The following CDH23 variants were observed in gnomAD, a reference collection of about 807,000 sequenced individuals.
CDH23 encodes cadherin related 23.
A neutral mutation model predicts 317.1 loss-of-function variants in CDH23; 189 were observed. The observed-to-expected ratio is 0.60, with a 90% CI of 0.53 to 0.67. The LOEUF (loss-of-function observed/expected upper bound fraction) is 0.67, where lower values mean the gene tolerates loss of function less well. CDH23 is among the 30% of genes least tolerant of loss of function. CDH23 has a pLI of 0.00. For missense variants in CDH23, 4,401 were observed against 4,592.4 expected (o/e 0.96, Z 1.20); for synonymous variants, 1,839 against 1,876.8 (o/e 0.98, Z 0.52).
At chr10:71,735,191 C>G (rs1038182842) in intron 34 of CDH23, among the ~76,000 whole-genome samples, 9 of 152,196 alleles carry the variant, frequency 5.9e-5, no homozygotes, top group Non-Finnish European at 1.0e-4. Context: ...CCCTCCCTCT[C>G]CTGGGGGTTG....
At chr10:71,430,458 G>A (rs535868611) in intron 1 of CDH23, among the ~76,000 whole-genome samples, 3 of 152,256 alleles carry the variant, frequency 2.0e-5, no homozygotes, top group Admixed American at 6.5e-5. Context: ...GCACCACTAC[G>A]CACAGACAGA....
At chr10:71,806,028 G>GGT in intron 56 of CDH23, 31 bp downstream of exon 56, 5 of 1,155,136 alleles carry the variant, frequency 4.3e-6, no homozygotes, top group Non-Finnish European at 6.3e-6. Context: ...GAGGGGCGGG[G>GGT]TCTGGGGCGG....
intron 14 of CDH23, among the ~76,000 whole-genome samples, chr10:71,654,630 G>A (rs775871475): frequency 2.0e-4 from 30 of 152,322 alleles, no homozygotes; most frequent in Middle Eastern, 3.4e-3. Flanking sequence ...CAGAGGGCCC[G>A]GAGGATCCAT....
intron 14 of CDH23, among the ~76,000 whole-genome samples, chr10:71,664,635 C>T (rs143812684): frequency 7.2e-4 from 110 of 152,350 alleles, no homozygotes; most frequent in Non-Finnish European, 1.2e-3. Context: ...ACTTAGAAAG[C>T]GGCGCCTGTG....
At chr10:71,692,490 C>A (rs996261027) in intron 20 of CDH23, among the ~76,000 whole-genome samples, 4 of 152,246 alleles carry the variant, frequency 2.6e-5, no homozygotes, top group African/African-American at 9.6e-5. Context: ...ATCATGCCGA[C>A]AAGTTCACGT....
At chr10:71,813,127 T>A (rs1765971238) in intron 68 of CDH23, 117 bp from the exon 69 acceptor site, 6 of 1,140,860 alleles carry the variant, frequency 5.3e-6, no homozygotes, top group Non-Finnish European at 7.6e-6. Flanking sequence ...GCTGATCCTC[T>A]GCCCTAGGAT....
intron 6 of CDH23, among the ~76,000 whole-genome samples, chr10:71,515,526 A>C (rs1023267894): frequency 3.4e-5 from 5 of 147,976 alleles, no homozygotes; most frequent in Non-Finnish European, 7.4e-5. Flanking sequence ...GGATCTGCCC[A>C]ATTTTTTTTT....
Position 71,742,672 on chromosome 10 carries a change from C to A in CDH23, c.4845+751C>A, listed in dbSNP as rs150909094. Reference sequence around the variant, plus strand: ...ATCTGCAAAAGGGAGATAATATCTACCTCATAGGTGTTGTTTGGGGAATCA... The same window carrying A: ...ATCTGCAAAAGGGAGATAATATCTAACTCATAGGTGTTGTTTGGGGAATCA... On this transcript the variant is annotated intron_variant, in intron 38 of 69. Coordinates refer to ENST00000224721, the MANE Select transcript of CDH23 (RefSeq NM_022124.6). Among the ~76,000 whole-genome samples, 47 of 152,346 alleles carry A rather than the reference C, an allele frequency of 3.1e-4. No homozygotes were observed. The East Asian group carries it at 6.9e-3, about 22-fold the overall frequency.
At chr10:71,726,541 G>A (rs1866820595) in intron 30 of CDH23, among the ~76,000 whole-genome samples, 1 of 152,224 alleles carries the variant, frequency 6.6e-6, no homozygotes, top group African/African-American at 2.4e-5. Context: ...CCTTGCAACT[G>A]CCCTGAGTGA....
chr10:71,456,236 A>C (rs1850687751), intron 3 of CDH23, among the ~76,000 whole-genome samples: 1 of 150,700 alleles, frequency 6.6e-6, no homozygotes, highest in Non-Finnish European at 1.5e-5. Context: ...TCGGTGCTGG[A>C]ACCAAGGGAC....
chr10:71,610,140 A>C (rs1484719934), intron 9 of CDH23, among the ~76,000 whole-genome samples: 2 of 152,160 alleles, frequency 1.3e-5, no homozygotes, highest in Non-Finnish European at 2.9e-5. Context: ...AGTAGCTGGA[A>C]TTATAGGCAC....
chr10:71,510,657 A>G (rs1009775862), intron 4 of CDH23, among the ~76,000 whole-genome samples: 1 of 152,156 alleles, frequency 6.6e-6, no homozygotes, highest in Non-Finnish European at 1.5e-5. Context: ...GGAAGGAACC[A>G]TAGAGGTGTG....
chr10:71,522,253 C>T (rs1208987696), intron 6 of CDH23, among the ~76,000 whole-genome samples: 2 of 152,278 alleles, frequency 1.3e-5, no homozygotes, highest in Middle Eastern at 3.4e-3. Context: ...TAACTGCACC[C>T]GGATCGAGAA....
intron 2 of CDH23, 132 bp downstream of exon 2, chr10:71,440,030 G>A (rs1849802135): frequency 2.8e-6 from 2 of 709,524 alleles, no homozygotes; most frequent in Non-Finnish European, 4.9e-6. Context: ...GTGTGACTGA[G>A]GCACATACTT....
intron 14 of CDH23, among the ~76,000 whole-genome samples, chr10:71,673,853 C>T (rs1338045760): frequency 6.6e-6 from 1 of 152,180 alleles, no homozygotes; most frequent in Non-Finnish European, 1.5e-5. Context: ...ATGGCACAGG[C>T]AGTGGGAGAG....
At chr10:71,483,638 G>A (rs1852186727) in intron 3 of CDH23, among the ~76,000 whole-genome samples, 1 of 152,140 alleles carries the variant, frequency 6.6e-6, no homozygotes, top group Non-Finnish European at 1.5e-5. Flanking sequence ...CCTTTCCTGG[G>A]CCTTCGCCGT....
At position 71,723,925 on chromosome 10, in the gene CDH23, G is replaced by T. The variant is rs189161292; in HGVS notation, c.3370-120G>T. 9.8e-6 allele frequency: 11 copies of T among 1,118,054 alleles called. No individual in the cohort carries two copies. The East Asian group carries it at 2.8e-4, about 29-fold the overall frequency. The allele number at this position is 1,118,054 out of a possible 1,614,324, so 69.3% of individuals were successfully genotyped here. On this transcript the variant is annotated intron_variant, in intron 28 of 69. Coordinates refer to ENST00000224721, the MANE Select transcript of CDH23 (RefSeq NM_022124.6). ...TCCCACACCCCCAGCCTCTGAGGGA[G>T]ACCACAGGTTTTGGCAGGATGGGGT...
At chr10:71,779,569 C>A in intron 41 of CDH23, 122 bp downstream of exon 41, 1 of 688,522 alleles carries the variant, frequency 1.5e-6, no homozygotes, top group Non-Finnish European at 2.3e-6. Flanking sequence ...CCTCTCTGGG[C>A]CTCAGTTTCC....
intron 34 of CDH23, among the ~76,000 whole-genome samples, chr10:71,737,464 A>G (rs6480551): frequency 0.082 from 12,415 of 152,178 alleles, 1,024 homozygotes; most frequent in African/African-American, 0.21. Context: ...CAGATAGGGG[A>G]GTGTGGCTGG....
Sources: gnomAD v4.1 joint callset for allele counts (sites outside exome capture counted in the v4.1 genomes callset) on GRCh38, gnomAD v4.1.1 for gene constraint, MANE v1.5 for transcripts, NCBI Gene and HGNC (gene_info 2026-07-23, HGNC 2026-07-21) for gene names.